CCDC158: variants seen among roughly 807,000 people sequenced by gnomAD.
CCDC158 encodes the protein coiled-coil domain containing 158, also known as coiled-coil domain-containing protein 158.
CCDC158 carries 116 observed loss-of-function variants against 138.6 expected under a neutral mutation model. The observed-to-expected ratio is 0.84, with a 90% CI of 0.72 to 0.98. CCDC158 has a LOEUF of 0.98. Among genes scored for constraint, CCDC158 ranks in the 50% least tolerant of loss-of-function variants. The pLI is 0.00. For missense variants in CCDC158, 1,265 were observed against 1,306.1 expected (o/e 0.97, Z 0.48); for synonymous variants, 436 against 442.4 (o/e 0.99, Z 0.18).
intron 19 of CCDC158, 153 bp downstream of exon 19, chr4:76,333,857 A>C: frequency 2.1e-6 from 1 of 467,038 alleles, no homozygotes; most frequent in Admixed American, 3.9e-5. Flanking sequence ...CATTTGCTTA[A>C]CTCCTCCATT....
rs1727542064 is a variant in CCDC158 at position 76,393,973 on chromosome 4, G to A, written c.288+2296C>T. ...AAAATGGTTTTTATCCAAAAGTTAG[G>A]CAATAACGAATGCTGGCAAGGATAT... is the stretch of plus-strand genomic sequence containing the variant. On this transcript the variant is annotated intron_variant, in intron 4 of 24. Transcript: ENST00000682701. 2.0e-5 allele frequency among the ~76,000 whole-genome samples: 3 copies of A among 151,972 alleles called. 1 individual carries two copies. In the South Asian group the frequency reaches 6.2e-4, roughly 31 times the overall value.
intron 10 of CCDC158, among the ~76,000 whole-genome samples, chr4:76,370,660 A>T (rs1725146483): frequency 6.6e-6 from 1 of 152,192 alleles, no homozygotes; most frequent in Admixed American, 6.5e-5. Flanking sequence ...AAGAATGAAA[A>T]GGGAGGCCAG....
intron 10 of CCDC158, among the ~76,000 whole-genome samples, chr4:76,370,409 G>C (rs759674240): frequency 4.6e-5 from 7 of 152,192 alleles, no homozygotes; most frequent in Non-Finnish European, 1.0e-4. Context: ...GAAAGGATTG[G>C]AAAGGTTAGC....
chr4:76,348,389 T>G (rs574141023), intron 18 of CCDC158, among the ~76,000 whole-genome samples: 45 of 146,756 alleles, frequency 3.1e-4, no homozygotes, highest in African/African-American at 8.4e-4. Context: ...GAGCTGAGAT[T>G]GTGCCACTGC....
chr4:76,369,649 T>A (rs766532977), intron 10 of CCDC158, 26 bp from the exon 11 acceptor site: 4 of 1,582,860 alleles, frequency 2.5e-6, no homozygotes, highest in Non-Finnish European at 3.5e-6. Flanking sequence ...AATGCTTTTT[T>A]CCTCCCTGCT....
At chr4:76,406,061 C>T (rs1444139347) in intron 2 of CCDC158, among the ~76,000 whole-genome samples, 1 of 152,034 alleles carries the variant, frequency 6.6e-6, no homozygotes, top group Non-Finnish European at 1.5e-5. Context: ...TTCAAATTGA[C>T]TTTAAAAAAA....
chr4:76,364,527 A>G (rs1724464193), intron 12 of CCDC158, among the ~76,000 whole-genome samples: 1 of 151,594 alleles, frequency 6.6e-6, no homozygotes, highest in Non-Finnish European at 1.5e-5. Flanking sequence ...TGTATTGATT[A>G]TAATATTAAA....
At chr4:76,368,607 T>C (rs777808379) in intron 11 of CCDC158, among the ~76,000 whole-genome samples, 1 of 152,154 alleles carries the variant, frequency 6.6e-6, no homozygotes, top group African/African-American at 2.4e-5. Context: ...TACACTGCTA[T>C]TAAGAAGGCA....
intron 18 of CCDC158, among the ~76,000 whole-genome samples, chr4:76,340,838 G>T (rs75674622): frequency 3.3e-5 from 5 of 152,000 alleles, no homozygotes; most frequent in African/African-American, 1.2e-4. Flanking sequence ...ATCACCCCCC[G>T]CCTCAACCTG....
At chr4:76,400,693 G>A (rs1025414645) in intron 3 of CCDC158, among the ~76,000 whole-genome samples, 6 of 149,950 alleles carry the variant, frequency 4.0e-5, no homozygotes, top group African/African-American at 1.5e-4. Flanking sequence ...AGATTTCTTA[G>A]CAGCATCCAA....
chr4:76,367,211 TACCAAGA>T, intron 12 of CCDC158, 76 bp downstream of exon 12: 2 of 1,457,006 alleles, frequency 1.4e-6, no homozygotes. Flanking sequence ...TGTCCACAGA[TACCAAGA>T]ACCACTTTTC....
intron 13 of CCDC158, among the ~76,000 whole-genome samples, chr4:76,361,534 C>T (rs541236457): frequency 2.6e-5 from 4 of 152,240 alleles, no homozygotes; most frequent in African/African-American, 9.6e-5. Context: ...TGCACTCCAA[C>T]CTGGTGGACA....
chr4:76,344,682 G>C, intron 18 of CCDC158: 1 of 1,613,798 alleles, frequency 6.2e-7, no homozygotes, highest in Non-Finnish European at 8.5e-7. Context: ...TCAGAGCCCA[G>C]AGTTTTCTGT....
At chr4:76,363,376 C>T (rs868583518) in intron 12 of CCDC158, among the ~76,000 whole-genome samples, 1 of 152,110 alleles carries the variant, frequency 6.6e-6, no homozygotes, top group East Asian at 1.9e-4. Flanking sequence ...GATTTTGCCC[C>T]GTGTGCCTTT....
At position 76,328,902 on chromosome 4, in the gene CCDC158, G is replaced by A. The variant is rs767259471; in HGVS notation, c.3008C>T (p.Ala1003Val). ...CTGTGCTTTCATTGGAAACTCACCT[G>A]CAGATGTGAATGTGAAGCAACCAGA... ...DPSGCFTFTS[A>V]ASPSVKNSAS... is the part of the protein sequence containing the mutation. Residue 1003 changes from alanine (A) to valine (V), a missense_variant and splice_region_variant, in exon 22 of 25, where the codon GCA becomes GTA. By Grantham distance (64) the Ala-to-Val change is moderately conservative. Coordinates refer to ENST00000682701, the MANE Select transcript of CCDC158 (RefSeq NM_001394954.1). 1 of 1,612,824 alleles carries A rather than the reference G, an allele frequency of 6.2e-7. No individual in the cohort carries two copies. Among genetic ancestry groups the A allele is most frequent in the African/African-American group, 1.3e-5 (1 of 75,052 alleles).
chr4:76,355,345 C>T lies in CCDC158; in HGVS notation c.2265G>A (p.Glu755=). The T allele has an allele frequency of 6.2e-7, 1 of 1,613,726 alleles. No individual in the cohort carries two copies. Among genetic ancestry groups the T allele is most frequent in the East Asian group, 2.2e-5 (1 of 44,876 alleles). The change falls in exon 15 of 25, where the codon GAG becomes GAA. Residue 755 remains glutamate (E), a synonymous_variant. Coordinates refer to ENST00000682701, the MANE Select transcript of CCDC158 (RefSeq NM_001394954.1). ...ALQSKIQFLE[E]AMTNANKEKH... ...CCACCTTATTTGCATTTGTCATTGC[C>T]TCTTCCAAAAACTGTATCTTGCTCT...
chr4:76,416,323 T>C lies in CCDC158; in HGVS notation c.-116-4191A>G, dbSNP rs554252148. On this transcript the variant is annotated intron_variant, in intron 1 of 24. Transcript: ENST00000682701. Reference sequence around the variant, plus strand: ...TTTGGGGCCACTACCGGTCTCCGCGTCTTGGTTGTAGTGGTCCCCCAGGCC... The same window carrying C: ...TTTGGGGCCACTACCGGTCTCCGCGCCTTGGTTGTAGTGGTCCCCCAGGCC... Among the ~76,000 whole-genome samples, 8 of 152,152 alleles carry C rather than the reference T, an allele frequency of 5.3e-5. No individual in the cohort carries two copies. In the South Asian group the frequency reaches 1.7e-3, roughly 32 times the overall value.
chr4:76,341,051 T>C (rs1016089278), intron 18 of CCDC158, among the ~76,000 whole-genome samples: 2 of 152,214 alleles, frequency 1.3e-5, no homozygotes, highest in Non-Finnish European at 2.9e-5. Flanking sequence ...GTTTGGTTAG[T>C]TTCCTATTAC....
At chr4:76,355,201 T>C in intron 15 of CCDC158, 123 bp downstream of exon 15, 1 of 660,826 alleles carries the variant, frequency 1.5e-6, no homozygotes, top group South Asian at 1.9e-5. Flanking sequence ...TCCCTTGTTC[T>C]CTCACCTAGA....
Sources: gnomAD v4.1 joint callset for allele counts (sites outside exome capture counted in the v4.1 genomes callset) on GRCh38, gnomAD v4.1.1 for gene constraint, MANE v1.5 for transcripts, NCBI Gene and HGNC (gene_info 2026-07-23, HGNC 2026-07-21) for gene names.